Variants in FGF14 observed in about 807,000 individuals in gnomAD.
FGF14 encodes the protein fibroblast growth factor homologous factor 4.
Under a neutral mutation model 25.5 loss-of-function variants are expected in FGF14, and 5 were observed. The ratio of observed to expected loss-of-function variants is 0.20; its 90% confidence interval spans 0.10 to 0.41. The LOEUF (loss-of-function observed/expected upper bound fraction) is 0.41, where lower values mean the gene tolerates loss of function less well. FGF14 is among the 10% of genes least tolerant of loss of function. FGF14 has a pLI of 1.00. For missense variants in FGF14, 222 were observed against 320.1 expected, an observed-to-expected ratio of 0.69 and a Z score of 2.34; for synonymous variants, 138 against 118.3, an observed-to-expected ratio of 1.17 and a Z score of -1.08.
At chr13:102,127,576 A>C (rs767091826) in intron 1 of FGF14, among the ~76,000 whole-genome samples, 7 of 152,224 alleles carry the variant, frequency 4.6e-5, no homozygotes, top group Non-Finnish European at 7.3e-5. Context: ...ACTTAAAACC[A>C]TAAGAAACCC....
At chr13:102,112,898 G>A (rs1225088346) in intron 1 of FGF14, among the ~76,000 whole-genome samples, 1 of 152,104 alleles carries the variant, frequency 6.6e-6, no homozygotes, top group Non-Finnish European at 1.5e-5. Flanking sequence ...TTCCAAGTTT[G>A]GGTTCAGTAT....
chr13:101,892,463 A>G (rs1207894210), intron 1 of FGF14, among the ~76,000 whole-genome samples: 1 of 152,186 alleles, frequency 6.6e-6, no homozygotes, highest in Admixed American at 6.6e-5. Context: ...CAGAGAGGAA[A>G]TCCCTGGGCC....
chr13:101,809,481 C>A (rs1435256347), intron 3 of FGF14, among the ~76,000 whole-genome samples: 1 of 152,104 alleles, frequency 6.6e-6, no homozygotes, highest in Admixed American at 6.6e-5. Context: ...CTCCATTTTG[C>A]TGCTTCAGTA....
intron 3 of FGF14, among the ~76,000 whole-genome samples, chr13:101,833,818 G>A (rs907661444): frequency 9.2e-5 from 14 of 152,026 alleles, no homozygotes; most frequent in East Asian, 3.9e-4. Flanking sequence ...AAAGCCTGTC[G>A]TTGTGTCTTG....
intron 1 of FGF14, among the ~76,000 whole-genome samples, chr13:102,231,370 A>G (rs2051075417): frequency 1.3e-5 from 2 of 152,200 alleles, no homozygotes; most frequent in African/African-American, 4.8e-5. Context: ...CTGGAAAAAT[A>G]TTCTTTGTGA....
intron 1 of FGF14, among the ~76,000 whole-genome samples, chr13:102,157,419 A>G (rs895369981): frequency 2.6e-5 from 4 of 152,230 alleles, no homozygotes; most frequent in African/African-American, 9.6e-5. Flanking sequence ...AGAATTCCCT[A>G]TTTAATAAAT....
chr13:102,244,553 A>T (rs1429785635), intron 1 of FGF14, among the ~76,000 whole-genome samples: 1 of 152,070 alleles, frequency 6.6e-6, no homozygotes, highest in Non-Finnish European at 1.5e-5. Context: ...AGCCGAGTGT[A>T]CAATTGTCAT....
chr13:101,929,077 G>C (rs559817256), intron 1 of FGF14, among the ~76,000 whole-genome samples: 2 of 152,092 alleles, frequency 1.3e-5, no homozygotes, highest in African/African-American at 4.8e-5. Flanking sequence ...CGTCTATTGA[G>C]CGCTAACTCT....
chr13:102,187,821 T>C (rs1415410056), intron 1 of FGF14, among the ~76,000 whole-genome samples: 1 of 152,190 alleles, frequency 6.6e-6, no homozygotes, highest in Non-Finnish European at 1.5e-5. Context: ...TTTTCCGCTA[T>C]CAATTACAGA....
intron 3 of FGF14, among the ~76,000 whole-genome samples, chr13:101,807,784 T>G (rs1363716047): frequency 2.0e-5 from 3 of 152,058 alleles, no homozygotes; most frequent in Non-Finnish European, 2.9e-5. Context: ...TTGGGAAGAC[T>G]GTTACATGCT....
At chr13:101,915,742 C>A (rs2033404755) in intron 1 of FGF14, among the ~76,000 whole-genome samples, 1 of 152,196 alleles carries the variant, frequency 6.6e-6, no homozygotes, top group Non-Finnish European at 1.5e-5. Context: ...TCAATTAAAA[C>A]TGACACATAT....
intron 3 of FGF14, among the ~76,000 whole-genome samples, chr13:101,796,538 A>G (rs936535245): frequency 4.6e-5 from 7 of 151,994 alleles, no homozygotes; most frequent in African/African-American, 1.7e-4. Flanking sequence ...TCAGAGTACA[A>G]CTGTATTTGA....
intron 1 of FGF14, among the ~76,000 whole-genome samples, chr13:101,900,773 G>A (rs2031441327): frequency 6.6e-6 from 1 of 152,038 alleles, no homozygotes; most frequent in African/African-American, 2.4e-5. Context: ...TATTCACTCT[G>A]TAAAAATTAA....
intron 1 of FGF14, among the ~76,000 whole-genome samples, chr13:101,988,825 G>T (rs1217200685): frequency 1.3e-5 from 2 of 152,038 alleles, no homozygotes; most frequent in East Asian, 1.9e-4. Flanking sequence ...CCTGTACGTT[G>T]TGCACATGTA....
chr13:102,196,485 A>G (rs1313891804), intron 1 of FGF14, among the ~76,000 whole-genome samples: 4 of 152,216 alleles, frequency 2.6e-5, no homozygotes, highest in African/African-American at 9.6e-5. Flanking sequence ...CTAGTACTGA[A>G]GGACATCTGA....
At chr13:102,160,503 C>T (rs2047573437) in intron 1 of FGF14, among the ~76,000 whole-genome samples, 1 of 152,122 alleles carries the variant, frequency 6.6e-6, no homozygotes, top group African/African-American at 2.4e-5. Context: ...CTCAGAGAAA[C>T]TTAGGAACAC....
intron 1 of FGF14, among the ~76,000 whole-genome samples, chr13:102,064,524 ATAAG>A (rs2042821627): frequency 6.6e-6 from 1 of 151,982 alleles, no homozygotes; most frequent in Non-Finnish European, 1.5e-5. Flanking sequence ...ACAAAATAAT[ATAAG>A]TAAAACAATA....
chr13:102,184,854 C>T (rs1302828183), intron 1 of FGF14, among the ~76,000 whole-genome samples: 1 of 152,006 alleles, frequency 6.6e-6, no homozygotes. Flanking sequence ...CTACCATATG[C>T]CAAAATGCCC....
At chr13:101,943,824 A>ATATATATATATATAT (rs553788083) in intron 1 of FGF14, among the ~76,000 whole-genome samples, 88 of 126,894 alleles carry the variant, frequency 6.9e-4, no homozygotes, top group African/African-American at 2.9e-3. Flanking sequence ...AAAAAAAAAA[A>ATATATATATATATAT]AAATATATAT....
Sources: allele counts gnomAD v4.1 joint callset (sites outside exome capture counted in the v4.1 genomes callset), GRCh38; gene constraint gnomAD v4.1.1; transcripts MANE v1.5; gene names NCBI Gene and HGNC (gene_info 2026-07-23, HGNC 2026-07-21).